The following DGKB variants were observed in gnomAD, a reference collection of about 807,000 sequenced individuals.
DGKB encodes diacylglycerol kinase beta.
In DGKB, 67 loss-of-function variants were observed where a neutral mutation model predicts 114.3. That is an observed-to-expected ratio of 0.59 (90% confidence interval 0.48 to 0.72). DGKB has a LOEUF of 0.72. Among genes scored for constraint, DGKB ranks in the 30% least tolerant of loss-of-function variants. The pLI is 0.00. For missense variants in DGKB, 907 were observed against 975.2 expected, an observed-to-expected ratio of 0.93 and a Z score of 0.93; for synonymous variants, 398 against 323.1, an observed-to-expected ratio of 1.23 and a Z score of -2.49.
intron 25 of DGKB, among the ~76,000 whole-genome samples, chr7:14,173,574 T>A (rs970081647): frequency 1.3e-5 from 2 of 152,232 alleles, no homozygotes; most frequent in African/African-American, 4.8e-5. Context: ...ATAAATTGAA[T>A]ATCAGCTTAC....
intron 23 of DGKB, among the ~76,000 whole-genome samples, chr7:14,315,314 T>G (rs1291094375): frequency 6.7e-6 from 1 of 150,134 alleles, no homozygotes; most frequent in Non-Finnish European, 1.5e-5. Flanking sequence ...GACTAAATGC[T>G]CCAATTAAAA....
chr7:14,660,639 A>C (rs1322985727), intron 13 of DGKB, among the ~76,000 whole-genome samples: 1 of 151,506 alleles, frequency 6.6e-6, no homozygotes, highest in Admixed American at 6.6e-5. Context: ...CTAGCGGTTT[A>C]TCAATTTTGA....
chr7:14,679,156 A>G (rs1029439641), intron 12 of DGKB, among the ~76,000 whole-genome samples: 1 of 148,628 alleles, frequency 6.7e-6, no homozygotes, highest in African/African-American at 2.5e-5. Flanking sequence ...GAGAGAAATG[A>G]CGTAAGTGTT....
At chr7:14,689,054 A>G (rs1480002688) in intron 9 of DGKB, among the ~76,000 whole-genome samples, 3 of 152,086 alleles carry the variant, frequency 2.0e-5, no homozygotes, top group African/African-American at 4.8e-5. Flanking sequence ...GTTTCAACTG[A>G]CTTAACTTAT....
chr7:14,592,721 C>T (rs1380871820), intron 17 of DGKB, among the ~76,000 whole-genome samples: 1 of 151,114 alleles, frequency 6.6e-6, no homozygotes, highest in Non-Finnish European at 1.5e-5. Flanking sequence ...AAGTTTCACT[C>T]TATTATATAT....
rs115417124 is a variant in DGKB at position 14,806,688 on chromosome 7, T to C, written c.70+34506A>G. On this transcript the variant is annotated intron_variant, in intron 2 of 25. Transcript: ENST00000402815. Reference sequence around the variant, plus strand: ...CCTTGTAACAGTCACATCTTCTTTTTCTAGACAATGAATATCTGTTATATT... The same window carrying C: ...CCTTGTAACAGTCACATCTTCTTTTCCTAGACAATGAATATCTGTTATATT... 1.5e-3 allele frequency among the ~76,000 whole-genome samples: 229 copies of C among 152,196 alleles called. 1 individual carries two copies. The Middle Eastern group carries it at 0.02, about 14-fold the overall frequency.
chr7:14,728,061 G>C (rs1830283415), intron 5 of DGKB, among the ~76,000 whole-genome samples: 1 of 152,110 alleles, frequency 6.6e-6, no homozygotes, highest in African/African-American at 2.4e-5. Flanking sequence ...CAAATGCACA[G>C]AAAACATAAA....
intron 20 of DGKB, among the ~76,000 whole-genome samples, chr7:14,478,531 C>T (rs999602546): frequency 2.6e-4 from 40 of 151,978 alleles, no homozygotes; most frequent in African/African-American, 9.4e-4. Context: ...TCATGTTCAA[C>T]GTATGTTGAA....
chr7:14,585,043 G>C (rs1413237019), intron 17 of DGKB, among the ~76,000 whole-genome samples: 1 of 151,968 alleles, frequency 6.6e-6, no homozygotes, highest in Non-Finnish European at 1.5e-5. Flanking sequence ...AAAAAATTTT[G>C]TCAAGGTAAT....
At chr7:14,972,396 C>T (rs1207084501) in intron 1 of DGKB, among the ~76,000 whole-genome samples, 5 of 152,026 alleles carry the variant, frequency 3.3e-5, no homozygotes, top group Non-Finnish European at 7.4e-5. Context: ...TTATAAGCAA[C>T]AATTTTTATT....
At chr7:14,399,309 T>G (rs1006800043) in intron 21 of DGKB, among the ~76,000 whole-genome samples, 2 of 151,808 alleles carry the variant, frequency 1.3e-5, no homozygotes, top group Admixed American at 6.6e-5. Flanking sequence ...CAACTTTTTG[T>G]ATATGGAGCT....
At chr7:14,270,501 A>G (rs2128431196) in intron 23 of DGKB, among the ~76,000 whole-genome samples, 1 of 152,312 alleles carries the variant, frequency 6.6e-6, no homozygotes, top group South Asian at 2.1e-4. Context: ...GGGTTTACAA[A>G]GCACTTCCTT....
At chr7:14,536,673 T>C (rs940873734) in intron 20 of DGKB, among the ~76,000 whole-genome samples, 1 of 152,144 alleles carries the variant, frequency 6.6e-6, no homozygotes, top group Admixed American at 6.6e-5. Context: ...AAGGAAGCTG[T>C]CTCAACACAA....
At chr7:14,972,220 A>T (rs1388483896) in intron 1 of DGKB, among the ~76,000 whole-genome samples, 3 of 152,124 alleles carry the variant, frequency 2.0e-5, no homozygotes, top group African/African-American at 7.2e-5. Context: ...GTATCATCAT[A>T]CTATAACATA....
intron 23 of DGKB, among the ~76,000 whole-genome samples, chr7:14,265,218 T>G (rs1797310682): frequency 6.6e-6 from 1 of 151,658 alleles, no homozygotes; most frequent in African/African-American, 2.4e-5. Flanking sequence ...TTTTTCAGTT[T>G]CATACAGAGG....
chr7:14,912,148 C>A lies in DGKB; in HGVS notation c.-188+62548G>T, dbSNP rs112911405. On this transcript the variant is annotated intron_variant, in intron 1 of 4. Transcript: ENST00000437998. The stretch of plus-strand genomic sequence containing the variant: ...CCAAGTGGACATATATTAGATGAAC[C>A]GGAATCTCTCTCTAGAAATTTAAGC... Among the ~76,000 whole-genome samples, 1,048 of 152,112 alleles carry A rather than the reference C, an allele frequency of 6.9e-3. 16 individuals carry two copies. Among genetic ancestry groups the A allele is most frequent in the African/African-American group, 0.024 (999 of 41,506 alleles).
chr7:14,298,671 C>T (rs1038002895), intron 23 of DGKB, among the ~76,000 whole-genome samples: 1 of 152,114 alleles, frequency 6.6e-6, no homozygotes, highest in Non-Finnish European at 1.5e-5. Flanking sequence ...GCAATGGCAA[C>T]AAAAGCCAAA....
At chr7:14,473,777 C>G (rs1781768834) in intron 21 of DGKB, among the ~76,000 whole-genome samples, 1 of 152,150 alleles carries the variant, frequency 6.6e-6, no homozygotes, top group African/African-American at 2.4e-5. Flanking sequence ...AAAAGGAGAT[C>G]ATTTTGGGGC....
chr7:14,963,959 T>C (rs565647681), intron 1 of DGKB, among the ~76,000 whole-genome samples: 16 of 152,244 alleles, frequency 1.1e-4, no homozygotes, highest in Non-Finnish European at 2.4e-4. Flanking sequence ...CATACATATA[T>C]ATATACACAG....
Sources: allele counts gnomAD v4.1 joint callset (sites outside exome capture counted in the v4.1 genomes callset), GRCh38; gene constraint gnomAD v4.1.1; transcripts MANE v1.5; gene names NCBI Gene and HGNC (gene_info 2026-07-23, HGNC 2026-07-21).